The following ST14 variants were observed in gnomAD, a reference collection of about 807,000 sequenced individuals.
The protein encoded by ST14 is ST14 transmembrane serine protease matriptase, also known as suppressor of tumorigenicity 14 protein.
Under a neutral mutation model 96.5 loss-of-function variants are expected in ST14, and 40 were observed. The ratio of observed to expected loss-of-function variants is 0.41; its 90% CI spans 0.32 to 0.54. The LOEUF (loss-of-function observed/expected upper bound fraction) is 0.54. Among genes scored for constraint, ST14 ranks in the 20% least tolerant of loss-of-function variants. The pLI is 0.17. For synonymous variants in ST14, 506 were observed against 492.1 expected (o/e 1.03, Z -0.37); for missense variants, 1,066 against 1,188.9 (o/e 0.90, Z 1.52).
intron 16 of ST14, among the ~76,000 whole-genome samples, chr11:130,205,560 C>T (rs1363588666): frequency 6.6e-6 from 1 of 152,150 alleles, no homozygotes; most frequent in African/African-American, 2.4e-5. Flanking sequence ...GTGAGGCTTC[C>T]CACCAGGTGC....
In ST14 at chr11:130,209,778, G is replaced by C; in HGVS notation, c.2523G>C (p.Arg841Ser). The C allele has an allele frequency of 6.2e-7, 1 of 1,614,042 alleles. No individual in the cohort carries two copies. Among genetic ancestry groups the C allele is most frequent in the East Asian group, 2.2e-5 (1 of 44,880 alleles). ...AQRNKPGVYT[R>S]LPLFRDWIKE... ...GGAACAAGCCAGGCGTGTACACAAG[G>C]CTCCCTCTGTTTCGGGACTGGATCA... Residue 841 changes from arginine to serine, a missense_variant, in exon 19 of 19, where the codon AGG becomes AGC. Arg to Ser is a moderately radical substitution (Grantham distance 110). Coordinates refer to ENST00000278742, the MANE Select transcript of ST14 (RefSeq NM_021978.4).
chr11:130,160,014 G>C lies in ST14; in HGVS notation c.35G>C (p.Gly12Ala), dbSNP rs1450207913. Reference sequence around the variant, plus strand: ...GATCGGGCCCGCAAGGGCGGAGGGGGCCCGAAGGACTTCGGCGCGGGACTC... The same window carrying C: ...GATCGGGCCCGCAAGGGCGGAGGGGCCCCGAAGGACTTCGGCGCGGGACTC... ...GSDRARKGGG[G>A]PKDFGAGLKY... Residue 12 changes from glycine (G) to alanine (A), a missense_variant, in exon 1 of 19, where the codon GGC (glycine) becomes GCC (alanine). Gly to Ala is a moderately conservative substitution (Grantham distance 60). Transcript: ENST00000278742. 16 of 1,428,702 alleles carry C rather than the reference G, an allele frequency of 1.1e-5. No individual in the cohort carries two copies. The highest frequency in any genetic ancestry group is 1.5e-5 in the Non-Finnish European group (16 of 1,082,826). The allele number at this position is 1,428,702 out of a possible 1,614,324, so 88.5% of individuals were successfully genotyped here. A position where few individuals can be genotyped will look rare whatever the true frequency, so the allele number is the denominator to read the frequency against.
intron 16 of ST14, among the ~76,000 whole-genome samples, chr11:130,205,159 A>G (rs11221999): frequency 0.71 from 108,311 of 151,966 alleles, 38,799 homozygotes; most frequent in South Asian, 0.78. Flanking sequence ...ACAGAGTCTC[A>G]CTCTGTCCCC....
chr11:130,174,257 C>T (rs1254466719), intron 1 of ST14, among the ~76,000 whole-genome samples: 2 of 152,112 alleles, frequency 1.3e-5, no homozygotes, highest in Non-Finnish European at 2.9e-5. Context: ...AGGCGGTGGC[C>T]ACAGCAAATA....
chr11:130,196,585 G>A lies in ST14; in HGVS notation c.1239G>A (p.Arg413=). ...EINGEKYCGE[R]SQFVVTSNSN... is the part of the protein sequence containing the mutation. ...CCCCCTCCAGATACTGCGGAGAGAG[G>A]TCCCAGTTCGTCGTCACCAGCAACA... The change falls in exon 11 of 19, where the codon AGG becomes AGA. Residue 413 remains arginine (R), a synonymous_variant. Coordinates refer to ENST00000278742, the MANE Select transcript of ST14 (RefSeq NM_021978.4). 5 of 1,614,000 alleles carry A rather than the reference G, an allele frequency of 3.1e-6. No homozygotes were observed. The highest frequency in any genetic ancestry group is 1.1e-5 in the South Asian group (1 of 91,074).
intron 16 of ST14, among the ~76,000 whole-genome samples, chr11:130,202,912 T>C (rs992708161): frequency 6.6e-6 from 1 of 152,210 alleles, no homozygotes; most frequent in African/African-American, 2.4e-5. Context: ...AAGTTCTACC[T>C]GAGCACTAGC....
chr11:130,168,951 G>A (rs1167133669), intron 1 of ST14, among the ~76,000 whole-genome samples: 1 of 151,960 alleles, frequency 6.6e-6, no homozygotes, highest in Non-Finnish European at 1.5e-5. Flanking sequence ...GCACCTCCAT[G>A]CCATGAAATA....
chr11:130,199,459 G>A (rs1403036796), intron 15 of ST14, among the ~76,000 whole-genome samples: 1 of 152,232 alleles, frequency 6.6e-6, no homozygotes, highest in African/African-American at 2.4e-5. Flanking sequence ...CAGCCTCTGT[G>A]TTTCAGAAGC....
In ST14 at chr11:130,182,202, G is replaced by A. The variant is rs1252173912; in HGVS notation, c.82-5912G>A. Among the ~76,000 whole-genome samples the A allele has an allele frequency of 3.3e-5, 5 of 152,232 alleles. No individual in the cohort carries two copies. In the South Asian group the frequency reaches 8.3e-4, roughly 25 times the overall value. On this transcript the variant is annotated intron_variant, in intron 1 of 18. Transcript: ENST00000278742. ...CCAGCCAGTCTTGAATGAGTCACAG[G>A]ACTGTCATGAAGATCCAGTAAGAAA...
rs894641010 is a variant in ST14 at position 130,206,482 on chromosome 11, G to A, written c.1995-1928G>A. ...ACATTGTTGATTATTATTGTGGCAG[G>A]CGCGAATGTGGTTCCTTATTGTACC... On this transcript the variant is annotated intron_variant, in intron 16 of 18. Transcript: ENST00000278742. Among the ~76,000 whole-genome samples the A allele has an allele frequency of 1.6e-4, 24 of 152,276 alleles. 1 individual carries two copies. Among genetic ancestry groups the A allele is most frequent in the South Asian group, 1.0e-3 (5 of 4,824 alleles).
In ST14 at chr11:130,181,924, C is replaced by T. The variant is rs760545211; in HGVS notation, c.82-6190C>T. Among the ~76,000 whole-genome samples the T allele has an allele frequency of 2.6e-5, 4 of 152,250 alleles. No homozygotes were observed. Among genetic ancestry groups the T allele is most frequent in the Non-Finnish European group, 4.4e-5 (3 of 68,046 alleles). Reference sequence around the variant, plus strand: ...GACAGAGGACCCACCATTGAGCTAGCGCCACTGCTGACAGCCTCGCTCCGT... The same window carrying T: ...GACAGAGGACCCACCATTGAGCTAGTGCCACTGCTGACAGCCTCGCTCCGT... On this transcript the variant is annotated intron_variant, in intron 1 of 18. Transcript: ENST00000278742. The surrounding 1 kb of genome is among the most constrained non-coding windows in gnomAD (Gnocchi z 4.1).
intron 1 of ST14, among the ~76,000 whole-genome samples, chr11:130,168,114 G>A (rs976718154): frequency 4.6e-5 from 7 of 152,176 alleles, no homozygotes; most frequent in Admixed American, 2.0e-4. Context: ...TTCATCGAGG[G>A]AACATATCAT....
At chr11:130,161,772 T>C (rs1385980014) in intron 1 of ST14, among the ~76,000 whole-genome samples, 1 of 152,216 alleles carries the variant, frequency 6.6e-6, no homozygotes, top group African/African-American at 2.4e-5. Flanking sequence ...CTGCCGAGCT[T>C]TATTGAACTA....
intron 1 of ST14, among the ~76,000 whole-genome samples, chr11:130,178,804 C>T (rs533077738): frequency 6.6e-5 from 10 of 152,144 alleles, no homozygotes; most frequent in South Asian, 4.2e-4. Context: ...CTGAGGGCGG[C>T]GACGGGTCAA....
In ST14 at chr11:130,188,324, C is replaced by T. The variant is rs772997932; in HGVS notation, c.241+51C>T. The stretch of plus-strand genomic sequence containing the variant: ...GGGAGGACGACAAGGGGTGGCTGTC[C>T]CTCTTCCCTCAGCGGACAGACCCAG... On this transcript the variant is annotated intron_variant, in intron 2 of 18. Coordinates refer to ENST00000278742, the MANE Select transcript of ST14 (RefSeq NM_021978.4). This position sits in a 1 kb window ranked among gnomAD's most constrained non-coding sequence, Gnocchi z 5.4. 6.3e-7 allele frequency: 1 copy of T among 1,594,258 alleles called. No homozygotes were observed. The highest frequency in any genetic ancestry group is 2.2e-5 in the East Asian group (1 of 44,720).
intron 16 of ST14, among the ~76,000 whole-genome samples, chr11:130,202,600 G>A (rs558050531): frequency 3.9e-5 from 6 of 152,338 alleles, no homozygotes; most frequent in Admixed American, 1.3e-4. Flanking sequence ...AGGGAGTGTC[G>A]TGTGCAGAGG....
At chr11:130,172,532 C>T (rs1311376257) in intron 1 of ST14, among the ~76,000 whole-genome samples, 1 of 151,684 alleles carries the variant, frequency 6.6e-6, no homozygotes, top group Non-Finnish European at 1.5e-5. Context: ...TTTCTCCTGC[C>T]TCAGCCTCCC....
chr11:130,198,205 T>C, intron 12 of ST14, 103 bp from the exon 13 acceptor site: 2 of 1,165,060 alleles, frequency 1.7e-6, no homozygotes, highest in Non-Finnish European at 2.6e-6. Flanking sequence ...GGCCTCTCTG[T>C]AGATCAGAAA....
intron 16 of ST14, among the ~76,000 whole-genome samples, chr11:130,203,234 TG>T (rs1953449881): frequency 6.6e-6 from 1 of 152,026 alleles, no homozygotes; most frequent in Non-Finnish European, 1.5e-5. Flanking sequence ...CACGGGGAAT[TG>T]AGCTAGAGGG....
Sources: gnomAD v4.1 joint callset for allele counts (sites outside exome capture counted in the v4.1 genomes callset) on GRCh38, gnomAD v4.1.1 for gene constraint, Gnocchi (gnomAD v3.1) non-coding constraint, MANE v1.5 for transcripts, NCBI Gene and HGNC (gene_info 2026-07-23, HGNC 2026-07-21) for gene names.